GPHN: variants seen among roughly 807,000 people sequenced by gnomAD.
GPHN encodes the protein gephyrin.
Under a neutral mutation model 95.5 loss-of-function variants are expected in GPHN, and 17 were observed. That is an observed-to-expected ratio of 0.18 (90% CI 0.12 to 0.27). GPHN has a LOEUF of 0.27. GPHN is among the 10% of genes least tolerant of loss of function. The probability of loss-of-function intolerance (pLI) is 1.00; values close to 1 mark genes in which losing one functional copy is unlikely to be tolerated. For synonymous variants in GPHN, 320 were observed against 322.5 expected, an observed-to-expected ratio of 0.99 and a Z score of 0.08; for missense variants, 660 against 978.1, an observed-to-expected ratio of 0.67 and a Z score of 4.34.
At chr14:66,954,851 A>G (rs1260377506) in intron 8 of GPHN, among the ~76,000 whole-genome samples, 1 of 152,194 alleles carries the variant, frequency 6.6e-6, no homozygotes, top group African/African-American at 2.4e-5. Flanking sequence ...TTTGTTCTAC[A>G]TTAACGGAGA....
At chr14:67,547,413 C>T in the GPHN span, among the ~76,000 whole-genome samples, 1 of 152,212 alleles carries the variant, frequency 6.6e-6, no homozygotes, top group Non-Finnish European at 1.5e-5. Flanking sequence ...CTTTCCCTAG[C>T]AGAGCCAAGA....
chr14:67,051,492 A>C (rs2075304451), intron 10 of GPHN, among the ~76,000 whole-genome samples: 1 of 152,226 alleles, frequency 6.6e-6, no homozygotes, highest in Non-Finnish European at 1.5e-5. Context: ...TGATTGGGGT[A>C]CCTGAAAGAG....
At chr14:66,527,832 T>G (rs1364717951) in intron 1 of GPHN, among the ~76,000 whole-genome samples, 2 of 152,126 alleles carry the variant, frequency 1.3e-5, no homozygotes, top group African/African-American at 2.4e-5. Context: ...GTCTGAAGAC[T>G]GTTTGTTATG....
intron 1 of GPHN, among the ~76,000 whole-genome samples, chr14:66,544,482 C>T (rs906716996): frequency 1.3e-4 from 20 of 152,004 alleles, no homozygotes; most frequent in African/African-American, 4.3e-4. Flanking sequence ...GTTTGTTTAC[C>T]GATATATTTC....
the GPHN span, among the ~76,000 whole-genome samples, chr14:67,595,018 T>C: frequency 2.0e-5 from 3 of 151,816 alleles, no homozygotes; most frequent in African/African-American, 7.3e-5. Context: ...GCACCTGTAG[T>C]CCCAGCTACT....
intron 4 of GPHN, among the ~76,000 whole-genome samples, chr14:66,837,500 C>G (rs1284580422): frequency 6.8e-6 from 1 of 147,574 alleles, no homozygotes; most frequent in African/African-American, 2.5e-5. Context: ...TGCTAGATGA[C>G]GAGTTAGTGG....
intron 2 of GPHN, among the ~76,000 whole-genome samples, chr14:66,742,729 C>A (rs1186860160): frequency 2.6e-5 from 4 of 152,008 alleles, no homozygotes; most frequent in African/African-American, 9.7e-5. Flanking sequence ...AATTTCTGGC[C>A]TTCATTTGTT....
At chr14:66,763,539 T>C (rs2058840722) in intron 2 of GPHN, among the ~76,000 whole-genome samples, 1 of 151,706 alleles carries the variant, frequency 6.6e-6, no homozygotes, top group Non-Finnish European at 1.5e-5. Context: ...TGGTTTCCAA[T>C]TTCATCCATG....
chr14:66,556,240 T>C (rs1179506056), intron 1 of GPHN, among the ~76,000 whole-genome samples: 2 of 152,188 alleles, frequency 1.3e-5, no homozygotes, highest in Non-Finnish European at 2.9e-5. Flanking sequence ...TTCAACTAGA[T>C]TGCATACTTC....
chr14:67,497,557 A>C, the GPHN span, among the ~76,000 whole-genome samples: 1 of 152,224 alleles, frequency 6.6e-6, no homozygotes, highest in African/African-American at 2.4e-5. Context: ...GGAACGTTCT[A>C]CTGGACATCA....
At chr14:67,426,779 T>C in the GPHN span, among the ~76,000 whole-genome samples, 2 of 152,218 alleles carry the variant, frequency 1.3e-5, no homozygotes, top group Non-Finnish European at 2.9e-5. Flanking sequence ...TTCTCCATGT[T>C]GGGCAGGCTG....
intron 1 of GPHN, among the ~76,000 whole-genome samples, chr14:66,644,914 A>G (rs561681846): frequency 1.3e-5 from 2 of 152,282 alleles, no homozygotes; most frequent in Admixed American, 1.3e-4. Flanking sequence ...TGCATATTTA[A>G]AATACTAATT....
chr14:67,437,779 C>T, the GPHN span, among the ~76,000 whole-genome samples: 1 of 152,016 alleles, frequency 6.6e-6, no homozygotes, highest in Non-Finnish European at 1.5e-5. Flanking sequence ...CTTGAGCAAC[C>T]CAAAGACGGG....
At chr14:67,606,681 T>C in the GPHN span, among the ~76,000 whole-genome samples, 5 of 152,202 alleles carry the variant, frequency 3.3e-5, no homozygotes, top group African/African-American at 1.2e-4. Context: ...AGTTTTGCTC[T>C]TGTTGCCCAG....
chr14:67,308,157 A>T, the GPHN span, among the ~76,000 whole-genome samples: 1 of 151,968 alleles, frequency 6.6e-6, no homozygotes, highest in African/African-American at 2.4e-5. Context: ...GTGATGAAAT[A>T]ATCTGTACAA....
the GPHN span, chr14:67,224,642 G>T: frequency 3.4e-6 from 1 of 295,684 alleles, no homozygotes; most frequent in Non-Finnish European, 6.6e-6. Context: ...TTTTTACAGT[G>T]AGCCCAAATT....
chr14:67,508,963 G>A, the GPHN span, among the ~76,000 whole-genome samples: 1 of 152,100 alleles, frequency 6.6e-6, no homozygotes, highest in East Asian at 1.9e-4. Flanking sequence ...GAATTATAAT[G>A]ATGGGCAGGG....
the GPHN span, chr14:67,320,299 G>A: frequency 6.2e-7 from 1 of 1,613,796 alleles, no homozygotes; most frequent in Non-Finnish European, 8.5e-7. Flanking sequence ...AATAGGAAGA[G>A]ACCTATCATC....
chr14:67,381,453 A>T, the GPHN span: 3 of 536,300 alleles, frequency 5.6e-6, no homozygotes, highest in Admixed American at 3.1e-5. Context: ...TCCCTTTTAT[A>T]AATAAGGAAC....
Sources: allele counts gnomAD v4.1 joint callset (sites outside exome capture counted in the v4.1 genomes callset), GRCh38; gene constraint gnomAD v4.1.1; transcripts MANE v1.5; gene names NCBI Gene and HGNC (gene_info 2026-07-23, HGNC 2026-07-21).